Variants in GRIK1 observed in about 807,000 individuals in gnomAD.
GRIK1 encodes the protein glutamate receptor ionotropic, kainate 1.
GRIK1 carries 69 observed loss-of-function variants against 105.7 expected under a neutral mutation model. The observed-to-expected ratio is 0.65, with a 90% CI of 0.54 to 0.80. The LOEUF (loss-of-function observed/expected upper bound fraction) is 0.80. GRIK1 is among the 30% of genes least tolerant of loss of function. The pLI is 0.00. For synonymous variants in GRIK1, 438 were observed against 431.3 expected (o/e 1.02, Z -0.19); for missense variants, 1,109 against 1,167.3 (o/e 0.95, Z 0.73).
chr21:29,880,068 C>T (rs1476672171), intron 1 of GRIK1, among the ~76,000 whole-genome samples: 4 of 151,952 alleles, frequency 2.6e-5, no homozygotes, highest in Non-Finnish European at 2.9e-5. Context: ...GTATAATAAC[C>T]CTAATCAGAA....
intron 1 of GRIK1, among the ~76,000 whole-genome samples, chr21:29,710,918 T>C (rs1015189674): frequency 6.6e-6 from 1 of 151,588 alleles, no homozygotes; most frequent in East Asian, 1.9e-4. Context: ...CCAGCAGTTT[T>C]ATCTGCTTTA....
intron 16 of GRIK1, chr21:29,553,807 A>G (rs1301389612): frequency 1.2e-5 from 10 of 809,670 alleles, no homozygotes. Context: ...GCTGGCAACT[A>G]TGAAAAGCAC....
intron 15 of GRIK1, among the ~76,000 whole-genome samples, chr21:29,558,111 G>A (rs956612477): frequency 2.0e-5 from 3 of 152,058 alleles, no homozygotes; most frequent in Non-Finnish European, 2.9e-5. Flanking sequence ...CTCTCAGGAG[G>A]TACATTTCCA....
intron 1 of GRIK1, among the ~76,000 whole-genome samples, chr21:29,870,586 T>C (rs1054157168): frequency 6.6e-6 from 1 of 151,960 alleles, no homozygotes; most frequent in Non-Finnish European, 1.5e-5. Context: ...CGCCATTTCA[T>C]TGTATACATT....
chr21:29,852,953 A>G (rs984486055), intron 1 of GRIK1, among the ~76,000 whole-genome samples: 1 of 152,328 alleles, frequency 6.6e-6, no homozygotes, highest in Non-Finnish European at 1.5e-5. Flanking sequence ...AATGTAATTC[A>G]TTCTGATCTT....
chr21:29,907,076 C>T (rs1024473212), intron 1 of GRIK1, among the ~76,000 whole-genome samples: 1 of 150,880 alleles, frequency 6.6e-6, no homozygotes, highest in African/African-American at 2.4e-5. Flanking sequence ...AAGCACACAG[C>T]ATGCACCTTC....
chr21:29,549,172 A>C (rs1276274280), intron 16 of GRIK1, among the ~76,000 whole-genome samples: 2 of 152,172 alleles, frequency 1.3e-5, no homozygotes, highest in Admixed American at 1.3e-4. Context: ...CTAAGCTTAA[A>C]CAGTATTTTT....
intron 16 of GRIK1, among the ~76,000 whole-genome samples, chr21:29,547,087 G>A (rs1393922174): frequency 1.3e-5 from 2 of 152,160 alleles, no homozygotes; most frequent in African/African-American, 4.8e-5. Context: ...GCTTCAAATA[G>A]CTTCCTAGGT....
At chr21:29,726,936 T>A (rs1192156519) in intron 1 of GRIK1, among the ~76,000 whole-genome samples, 3 of 151,818 alleles carry the variant, frequency 2.0e-5, no homozygotes, top group Admixed American at 6.6e-5. Flanking sequence ...ATATATATTT[T>A]TTATTTTTTC....
chr21:29,794,034 A>G (rs2066493059), intron 1 of GRIK1, among the ~76,000 whole-genome samples: 2 of 152,248 alleles, frequency 1.3e-5, no homozygotes, highest in South Asian at 4.1e-4. Context: ...TTTTAAAAAG[A>G]CCTCATGAGA....
At chr21:29,904,920 C>G (rs2070554116) in intron 1 of GRIK1, among the ~76,000 whole-genome samples, 1 of 152,200 alleles carries the variant, frequency 6.6e-6, no homozygotes, top group African/African-American at 2.4e-5. Flanking sequence ...TGTGGCCACA[C>G]TCTGGGTTAA....
chr21:29,872,019 C>T (rs1006065233), intron 1 of GRIK1, among the ~76,000 whole-genome samples: 1 of 148,806 alleles, frequency 6.7e-6, no homozygotes, highest in African/African-American at 2.4e-5. Flanking sequence ...CCACCCCAGC[C>T]TCCCAAAGTG....
At position 29,914,752 on chromosome 21, in the gene GRIK1, T is replaced by A. The variant is rs1466115181; in HGVS notation, c.118+24631A>T. Among the ~76,000 whole-genome samples the A allele has an allele frequency of 2.6e-5, 4 of 152,158 alleles. No homozygotes were observed. The East Asian group carries it at 7.8e-4, about 30-fold the overall frequency. Reference sequence around the variant, plus strand: ...CTGCCATGTTGAGATAGAGTCTACATCTGCTTGGATCCTTAAGTCCCCATT... The same window carrying A: ...CTGCCATGTTGAGATAGAGTCTACAACTGCTTGGATCCTTAAGTCCCCATT... On this transcript the variant is annotated intron_variant, in intron 1 of 17. Transcript: ENST00000327783.
At chr21:29,545,598 C>T (rs946643588) in intron 16 of GRIK1, among the ~76,000 whole-genome samples, 7 of 152,128 alleles carry the variant, frequency 4.6e-5, no homozygotes, top group Admixed American at 1.3e-4. Context: ...CTAAACTGAT[C>T]GTGATGTGTA....
At chr21:29,601,073 T>C (rs539518764) in intron 7 of GRIK1, among the ~76,000 whole-genome samples, 19 of 152,326 alleles carry the variant, frequency 1.2e-4, no homozygotes, top group African/African-American at 3.8e-4. Flanking sequence ...TGGGTGTGTC[T>C]GTGAGGGTGT....
intron 4 of GRIK1, among the ~76,000 whole-genome samples, chr21:29,670,872 C>A (rs1005106647): frequency 9.9e-5 from 15 of 152,228 alleles, no homozygotes; most frequent in African/African-American, 3.4e-4. Context: ...GTTGACACTA[C>A]TGCCACATGC....
Position 29,867,843 on chromosome 21 carries a change from G to GAAAGAAAGAAAGAAAGAAAGAAAGAAA in GRIK1, c.118+71539_118+71540insTTTCTTTCTTTCTTTCTTTCTTTCTTT, listed in dbSNP as rs1353645612. On this transcript the variant is annotated intron_variant, in intron 1 of 17. Transcript: ENST00000327783. ...ATGAAAGAAAGAAAGAAAGAAAGAA[G>GAAAGAAAGAAAGAAAGAAAGAAAGAAA]GAAGGAAAGAGAGAAAGAGAGAGAA... 3.2e-3 allele frequency among the ~76,000 whole-genome samples: 391 copies of GAAAGAAAGAAAGAAAGAAAGAAAGAAA among 121,890 alleles called. 1 individual carries two copies. Among genetic ancestry groups the GAAAGAAAGAAAGAAAGAAAGAAAGAAA allele is most frequent in the African/African-American group, 0.012 (358 of 29,778 alleles). 80.0% of individuals were successfully genotyped at this position (121,890 alleles called of 152,430 possible).
At chr21:29,572,833 C>T (rs993884796) in intron 14 of GRIK1, among the ~76,000 whole-genome samples, 8 of 151,898 alleles carry the variant, frequency 5.3e-5, no homozygotes, top group African/African-American at 1.9e-4. Flanking sequence ...TGCAATGGTG[C>T]GATCTCGGCT....
intron 7 of GRIK1, among the ~76,000 whole-genome samples, chr21:29,608,049 A>G (rs2061656665): frequency 6.6e-6 from 1 of 152,130 alleles, no homozygotes; most frequent in African/African-American, 2.4e-5. Flanking sequence ...TTAAGAGATA[A>G]TATTGGCATG....
Sources: allele counts gnomAD v4.1 joint callset (sites outside exome capture counted in the v4.1 genomes callset), GRCh38; gene constraint gnomAD v4.1.1; transcripts MANE v1.5; gene names NCBI Gene and HGNC (gene_info 2026-07-23, HGNC 2026-07-21).